The following HHAT variants were observed in gnomAD, a reference collection of about 807,000 sequenced individuals.
HHAT encodes protein-cysteine N-palmitoyltransferase HHAT.
Under a neutral mutation model 70.8 loss-of-function variants are expected in HHAT, and 47 were observed. The ratio of observed to expected loss-of-function variants is 0.66; its 90% CI spans 0.53 to 0.85. The LOEUF (loss-of-function observed/expected upper bound fraction) is 0.85. Ranked by LOEUF, HHAT falls within the 40% of genes least tolerant of loss-of-function variation. The pLI, the probability that HHAT is intolerant of heterozygous loss-of-function variation, is 0.00. For missense variants in HHAT, 609 were observed against 604.8 expected (o/e 1.01, Z -0.07); for synonymous variants, 228 against 247.6 (o/e 0.92, Z 0.74).
intron 3 of HHAT, among the ~76,000 whole-genome samples, chr1:210,380,553 A>C (rs1042166632): frequency 1.3e-5 from 2 of 152,066 alleles, no homozygotes; most frequent in African/African-American, 4.8e-5. Flanking sequence ...AAATAAATAA[A>C]ATAAAATAAA....
At chr1:210,548,818 G>A (rs1350749234) in intron 9 of HHAT, among the ~76,000 whole-genome samples, 5 of 152,204 alleles carry the variant, frequency 3.3e-5, no homozygotes, top group Non-Finnish European at 7.3e-5. Flanking sequence ...TGTGATGAGG[G>A]CATATTTATT....
rs145238025 is a variant in HHAT, at chr1:210,540,261, C to T, written c.1043+27073C>T. Among the ~76,000 whole-genome samples the T allele has an allele frequency of 3.0e-3, 461 of 152,236 alleles. 1 individual carries two copies. Among genetic ancestry groups the T allele is most frequent in the African/African-American group, 0.011 (440 of 41,546 alleles). ...CTGTAATCTGACATAAAAGATGTTC[C>T]GCAACAGCTTTTCTCCCAGGTAGCA... is the stretch of plus-strand genomic sequence containing the variant. On this transcript the variant is annotated intron_variant, in intron 9 of 11. Transcript: ENST00000261458.
At chr1:210,403,205 A>G (rs1319920780) in intron 5 of HHAT, among the ~76,000 whole-genome samples, 1 of 152,210 alleles carries the variant, frequency 6.6e-6, no homozygotes. Context: ...TTATGAGAGT[A>G]TATCAGATAA....
intron 10 of HHAT, among the ~76,000 whole-genome samples, chr1:210,620,757 A>T (rs566584220): frequency 7.9e-5 from 12 of 151,680 alleles, no homozygotes; most frequent in African/African-American, 2.4e-4. Context: ...GCTTATTTAA[A>T]TTTTTTTTTA....
At chr1:210,450,577 C>T (rs2148395244) in intron 7 of HHAT, among the ~76,000 whole-genome samples, 1 of 148,990 alleles carries the variant, frequency 6.7e-6, no homozygotes, top group East Asian at 2.0e-4. Context: ...CGCACCTGGC[C>T]ATATCTTTTA....
chr1:210,537,267 G>T (rs960079778), intron 9 of HHAT, among the ~76,000 whole-genome samples: 6 of 152,148 alleles, frequency 3.9e-5, no homozygotes, highest in African/African-American at 1.4e-4. Context: ...GCTTGTGCAT[G>T]CTGTGCTACG....
chr1:210,566,520 C>A (rs1573376997), intron 9 of HHAT, among the ~76,000 whole-genome samples: 2 of 152,182 alleles, frequency 1.3e-5, no homozygotes, highest in Admixed American at 1.3e-4. Flanking sequence ...CCCCAAACCC[C>A]AGGCTCCAGA....
At chr1:210,374,663 A>G (rs1188356170) in intron 3 of HHAT, among the ~76,000 whole-genome samples, 3 of 152,014 alleles carry the variant, frequency 2.0e-5, no homozygotes, top group African/African-American at 7.3e-5. Context: ...TGTTATCTTT[A>G]GCATCATCTT....
chr1:210,416,555 T>C (rs2092726910), intron 6 of HHAT, among the ~76,000 whole-genome samples: 1 of 150,136 alleles, frequency 6.7e-6, no homozygotes, highest in Non-Finnish European at 1.5e-5. Context: ...CTAGAATCTA[T>C]GTGTTTTAAG....
intron 7 of HHAT, among the ~76,000 whole-genome samples, chr1:210,447,559 C>A (rs2093660865): frequency 6.6e-6 from 1 of 152,178 alleles, no homozygotes; most frequent in African/African-American, 2.4e-5. Context: ...AAAGGCAAAT[C>A]CTGACAATTC....
intron 10 of HHAT, among the ~76,000 whole-genome samples, chr1:210,592,390 G>A (rs4326622): frequency 0.96 from 146,398 of 152,184 alleles, 70,660 homozygotes; most frequent in East Asian, 1. Flanking sequence ...CCACTGATCT[G>A]TGTGTCTGTT....
At chr1:210,374,946 C>T (rs558500220) in intron 3 of HHAT, among the ~76,000 whole-genome samples, 1 of 151,944 alleles carries the variant, frequency 6.6e-6, no homozygotes, top group South Asian at 2.1e-4. Context: ...CCCTGCCACC[C>T]CCCAGCAGTT....
chr1:210,413,222 G>T (rs536678997), intron 6 of HHAT, among the ~76,000 whole-genome samples: 1 of 152,324 alleles, frequency 6.6e-6, no homozygotes, highest in South Asian at 2.1e-4. Context: ...GTTGACATTT[G>T]GTGTATATCT....
intron 11 of HHAT, chr1:210,631,176 G>C (rs1302501059): frequency 4.4e-6 from 2 of 452,236 alleles, no homozygotes; most frequent in African/African-American, 4.0e-5. Context: ...AGCAATATCA[G>C]GTGAGATTAT....
rs2093050170 is a variant in HHAT at position 210,425,981 on chromosome 1, A to G, written c.856+7656A>G. ...GATTCTTCCCATCCATGAGCATGGA[A>G]TGTTCTTCCATTTGTTTTGTATCAT... On this transcript the variant is annotated intron_variant, in intron 7 of 11. Coordinates refer to ENST00000261458, the MANE Select transcript of HHAT (RefSeq NM_018194.6). Among the ~76,000 whole-genome samples, 4 of 152,150 alleles carry G rather than the reference A, an allele frequency of 2.6e-5. No individual in the cohort carries two copies. In the South Asian group the frequency reaches 8.3e-4, roughly 31 times the overall value.
At chr1:210,545,092 A>AC (rs888882938) in intron 9 of HHAT, among the ~76,000 whole-genome samples, 2 of 151,942 alleles carry the variant, frequency 1.3e-5, no homozygotes, top group African/African-American at 4.8e-5. Context: ...AAAAAAAAAA[A>AC]CCACACAATT....
chr1:210,466,113 G>T (rs938442750), intron 8 of HHAT, among the ~76,000 whole-genome samples: 2 of 123,114 alleles, frequency 1.6e-5, no homozygotes, highest in African/African-American at 3.3e-5. Flanking sequence ...GCAAGGAATC[G>T]CAAGGAATCG....
At chr1:210,370,761 T>A (rs2089498724) in intron 3 of HHAT, among the ~76,000 whole-genome samples, 1 of 151,832 alleles carries the variant, frequency 6.6e-6, no homozygotes, top group Non-Finnish European at 1.5e-5. Flanking sequence ...ACTACAGGCA[T>A]GTGCCACCAT....
At chr1:210,379,346 G>A (rs2090460601) in intron 3 of HHAT, among the ~76,000 whole-genome samples, 1 of 152,218 alleles carries the variant, frequency 6.6e-6, no homozygotes, top group Non-Finnish European at 1.5e-5. Flanking sequence ...CAGCTACAGG[G>A]AATTCTGGGA....
Sources: gnomAD v4.1 joint callset for allele counts (sites outside exome capture counted in the v4.1 genomes callset) on GRCh38, gnomAD v4.1.1 for gene constraint, MANE v1.5 for transcripts, NCBI Gene and HGNC (gene_info 2026-07-23, HGNC 2026-07-21) for gene names.